CCDC178: variants seen among roughly 807,000 people sequenced by gnomAD.
CCDC178 encodes coiled-coil domain-containing protein 178.
A neutral mutation model predicts 117.4 loss-of-function variants in CCDC178; 126 were observed. The ratio of observed to expected loss-of-function variants is 1.07; its 90% CI spans 0.93 to 1.24. The LOEUF is 1.24. CCDC178 is among the 50% of genes most tolerant of loss of function. CCDC178 has a pLI of 0.00. For synonymous variants in CCDC178, 283 were observed against 313.4 expected, an observed-to-expected ratio of 0.90 and a Z score of 1.02; for missense variants, 1,030 against 986.9, an observed-to-expected ratio of 1.04 and a Z score of -0.59.
intron 20 of CCDC178, among the ~76,000 whole-genome samples, chr18:33,147,556 G>T (rs1343109523): frequency 6.6e-6 from 1 of 150,972 alleles, no homozygotes; most frequent in Non-Finnish European, 1.5e-5. Flanking sequence ...TTGAGATTAG[G>T]GAGTGGTGAT....
At chr18:33,328,083 ATTTTTTTTTTTTTTTT>A (rs771034112) in intron 10 of CCDC178, 50 of 100,712 alleles carry the variant, frequency 5.0e-4, no homozygotes, top group Middle Eastern at 1.1e-3. Context: ...TTATCCCTAG[ATTTTTTTTTTTTTTTT>A]TTTTTTTTTT....
chr18:33,223,252 A>G (rs2059260383), intron 17 of CCDC178, 33 bp from the exon 18 acceptor site: 2 of 1,555,840 alleles, frequency 1.3e-6, no homozygotes, highest in Non-Finnish European at 1.7e-6. Flanking sequence ...GATGTGCAGC[A>G]TTTGCAACCC....
chr18:33,340,052 A>G (rs1465306223), intron 9 of CCDC178, among the ~76,000 whole-genome samples: 3 of 152,270 alleles, frequency 2.0e-5, no homozygotes, highest in South Asian at 2.1e-4. Context: ...AAATGTGGGA[A>G]AGTTTGGAAC....
chr18:33,063,706 T>C (rs2056967875), intron 21 of CCDC178, among the ~76,000 whole-genome samples: 1 of 152,116 alleles, frequency 6.6e-6, no homozygotes, highest in Non-Finnish European at 1.5e-5. Flanking sequence ...TATACCTGTC[T>C]AGGTAGTCAT....
chr18:33,412,245 T>C (rs2063865432), intron 2 of CCDC178, 135 bp from the exon 3 acceptor site: 1 of 412,246 alleles, frequency 2.4e-6, no homozygotes, highest in Admixed American at 4.4e-5. Flanking sequence ...AACAATGTAC[T>C]CTTTTTCTTA....
At chr18:33,279,083 T>C (rs1599094808) in intron 12 of CCDC178, among the ~76,000 whole-genome samples, 1 of 152,032 alleles carries the variant, frequency 6.6e-6, no homozygotes, top group Admixed American at 6.6e-5. Context: ...CTATTCAACA[T>C]AGTGTTGGAA....
intron 22 of CCDC178, among the ~76,000 whole-genome samples, chr18:32,939,641 C>T (rs1225914906): frequency 6.6e-6 from 1 of 152,076 alleles, no homozygotes; most frequent in Admixed American, 6.6e-5. Flanking sequence ...ATGACGGTGA[C>T]TGAGCCTTGA....
At chr18:33,175,041 T>A (rs761271001) in intron 20 of CCDC178, among the ~76,000 whole-genome samples, 6 of 116,688 alleles carry the variant, frequency 5.1e-5, no homozygotes, top group African/African-American at 2.2e-4. Context: ...TTTATTTTTT[T>A]ATTTTTTTTG....
At chr18:33,388,882 G>A (rs1389666981) in intron 5 of CCDC178, among the ~76,000 whole-genome samples, 11 of 151,916 alleles carry the variant, frequency 7.2e-5, no homozygotes, top group Non-Finnish European at 1.5e-4. Context: ...GCAAACTAAC[G>A]CAGGAACAGA....
intron 11 of CCDC178, among the ~76,000 whole-genome samples, chr18:33,303,911 G>A (rs1360065950): frequency 6.6e-6 from 1 of 152,112 alleles, no homozygotes; most frequent in Non-Finnish European, 1.5e-5. Flanking sequence ...AGGAAAGCTT[G>A]AAGCATCCTA....
Position 32,974,592 on chromosome 18 carries a change from G to C in CCDC178, c.2478C>G (p.Phe826Leu), listed in dbSNP as rs749402102. The change falls in exon 22 of 23, where the codon TTC (phenylalanine) becomes TTG (leucine). Residue 826 changes from phenylalanine to leucine, a missense_variant. Phe to Leu is a conservative substitution (Grantham distance 22, BLOSUM62 0). Transcript: ENST00000383096. ...GAATACTCTCCTGAGAGTCTGTCTG[G>C]AAGTTGGCCAGCCTCATCTGGCTGA... ...VLFSQMRLAN[F>L]QTDSQESIQK... 5.6e-6 allele frequency: 9 copies of C among 1,613,668 alleles called. No individual in the cohort carries two copies. The highest frequency in any genetic ancestry group is 7.6e-6 in the Non-Finnish European group (9 of 1,179,780).
chr18:33,050,428 G>C (rs957651696), intron 21 of CCDC178, among the ~76,000 whole-genome samples: 1 of 152,222 alleles, frequency 6.6e-6, no homozygotes, highest in Admixed American at 6.5e-5. Flanking sequence ...CACTGATAGC[G>C]AAATTATTAA....
At chr18:33,429,110 T>C (rs1300684288) in intron 2 of CCDC178, among the ~76,000 whole-genome samples, 1 of 151,986 alleles carries the variant, frequency 6.6e-6, no homozygotes, top group East Asian at 1.9e-4. Flanking sequence ...TTTAGAGCTA[T>C]GACTTCATAA....
intron 11 of CCDC178, among the ~76,000 whole-genome samples, chr18:33,314,126 G>A (rs951979542): frequency 8.3e-5 from 12 of 145,004 alleles, no homozygotes; most frequent in East Asian, 4.1e-4. Context: ...GCGTGAACCC[G>A]GGAGGCGGAG....
rs2063860477 is a variant in CCDC178 at position 33,411,953 on chromosome 18, T to A, written c.58+78A>T. The A allele has an allele frequency of 8.5e-6, 6 of 706,120 alleles. No individual in the cohort carries two copies. The East Asian group carries it at 1.8e-4, about 21-fold the overall frequency. The allele number at this position is 706,120 out of a possible 1,614,324, so 43.7% of individuals were successfully genotyped here. ...TGGAAAAGATTACTATCTTTGCAGT[T>A]GCCCTCCTCTGTAAGTGATGTGAAT... On this transcript the variant is annotated intron_variant, in intron 3 of 22. Coordinates refer to ENST00000383096, the MANE Select transcript of CCDC178 (RefSeq NM_001105528.4).
At chr18:32,986,199 A>G (rs2055259760) in intron 21 of CCDC178, among the ~76,000 whole-genome samples, 1 of 152,094 alleles carries the variant, frequency 6.6e-6, no homozygotes, top group Non-Finnish European at 1.5e-5. Flanking sequence ...TTTTTATTGC[A>G]TTGATGGGTT....
chr18:33,329,135 A>G (rs1406567405), intron 10 of CCDC178, among the ~76,000 whole-genome samples: 1 of 152,060 alleles, frequency 6.6e-6, no homozygotes, highest in Non-Finnish European at 1.5e-5. Flanking sequence ...TTGTGTGTTG[A>G]GCTGAATTCT....
intron 21 of CCDC178, among the ~76,000 whole-genome samples, chr18:33,023,259 C>T (rs2056158679): frequency 6.6e-6 from 1 of 152,022 alleles, no homozygotes; most frequent in South Asian, 2.1e-4. Flanking sequence ...AGAGACATTC[C>T]ATCCAACAAT....
chr18:33,195,087 A>G (rs910872334), intron 20 of CCDC178, among the ~76,000 whole-genome samples: 1 of 150,680 alleles, frequency 6.6e-6, no homozygotes, highest in Non-Finnish European at 1.5e-5. Context: ...ACTGTACTCC[A>G]GCCTGAATGA....
Sources: allele counts gnomAD v4.1 joint callset (sites outside exome capture counted in the v4.1 genomes callset), GRCh38; gene constraint gnomAD v4.1.1; transcripts MANE v1.5; gene names NCBI Gene and HGNC (gene_info 2026-07-23, HGNC 2026-07-21).